Variants in AMZ1 observed in about 807,000 individuals in gnomAD.
The protein encoded by AMZ1 is archaemetzincin-1.
A neutral mutation model predicts 29.9 loss-of-function variants in AMZ1; 39 were observed. That is an observed-to-expected ratio of 1.30 (90% confidence interval 1.01 to 1.70). The LOEUF is 1.70. Ranked by LOEUF, AMZ1 falls within the 40% of genes most tolerant of loss-of-function variation. AMZ1 has a pLI of 0.00. For missense variants in AMZ1, 1,041 were observed against 680.6 expected, an observed-to-expected ratio of 1.53 and a Z score of -5.89; for synonymous variants, 458 against 304.0, an observed-to-expected ratio of 1.51 and a Z score of -5.27.
intron 1 of AMZ1, among the ~76,000 whole-genome samples, chr7:2,696,595 C>T (rs1369098714): frequency 2.6e-5 from 4 of 151,114 alleles, no homozygotes; most frequent in African/African-American, 9.7e-5. Flanking sequence ...CTTAGAACTT[C>T]CAGGGCTGGC....
intron 4 of AMZ1, among the ~76,000 whole-genome samples, chr7:2,748,584 C>G (rs1790878050): frequency 6.6e-6 from 1 of 152,066 alleles, no homozygotes; most frequent in African/African-American, 2.4e-5. Context: ...CAATACCATT[C>G]AGGACATAGG....
intron 3 of AMZ1, 22 bp downstream of exon 3, chr7:2,702,911 C>A (rs751806298): frequency 1.3e-6 from 2 of 1,571,572 alleles, no homozygotes; most frequent in Non-Finnish European, 1.7e-6. Flanking sequence ...CGGCAGCCGC[C>A]GCTCAGGCCA....
chr7:2,708,165 T>A (rs1788480694), intron 3 of AMZ1, among the ~76,000 whole-genome samples: 1 of 152,166 alleles, frequency 6.6e-6, no homozygotes, highest in South Asian at 2.1e-4. Context: ...AGCTGGCTGC[T>A]GCAGAAAAAC....
upstream of AMZ1, among the ~76,000 whole-genome samples, chr7:2,687,800 C>T (rs988592584): frequency 3.3e-5 from 5 of 151,942 alleles, no homozygotes; most frequent in African/African-American, 1.2e-4. Flanking sequence ...TCACCCCTCT[C>T]ACCTGGGGCC....
chr7:2,749,851 C>G (rs1790942426), intron 4 of AMZ1, among the ~76,000 whole-genome samples: 1 of 151,866 alleles, frequency 6.6e-6, no homozygotes, highest in Non-Finnish European at 1.5e-5. Context: ...AGAGATGACC[C>G]AATGATCCAA....
chr7:2,737,282 TTTTTTTG>T lies in AMZ1; in HGVS notation n.551-27423_551-27417del, dbSNP rs1162890061. On this transcript the variant is annotated intron_variant and non_coding_transcript_variant, in intron 4 of 4. Coordinates refer to the AMZ1 transcript ENST00000489665. The stretch of plus-strand genomic sequence containing the variant: ...TCTCACAGTTTTGTTTTGTTTTTTT[TTTTTTTG>T]TTTTTTTTTTTTTTTTTGAGATGGA... Among the ~76,000 whole-genome samples the T allele has an allele frequency of 9.0e-3, 547 of 60,474 alleles. 28 individuals are homozygous for T. The highest frequency in any genetic ancestry group is 0.03 in the South Asian group (45 of 1,514). 39.7% of individuals were successfully genotyped at this position (60,474 alleles called of 152,430 possible).
At chr7:2,701,218 G>A (rs1263945763) in intron 2 of AMZ1, among the ~76,000 whole-genome samples, 1 of 148,892 alleles carries the variant, frequency 6.7e-6, no homozygotes, top group East Asian at 1.9e-4. Context: ...GTGACGGAGT[G>A]AGACTGTCTC....
At chr7:2,708,780 G>A (rs939045273) in intron 4 of AMZ1, 64 bp downstream of exon 4, 3 of 1,605,150 alleles carry the variant, frequency 1.9e-6, no homozygotes, top group Admixed American at 3.3e-5. Context: ...GGCCTCCGTG[G>A]CTGCAGGGCA....
At chr7:2,696,536 C>T (rs980067763) in intron 1 of AMZ1, among the ~76,000 whole-genome samples, 18 of 150,376 alleles carry the variant, frequency 1.2e-4, no homozygotes, top group African/African-American at 2.7e-4. Flanking sequence ...TGATTACAGG[C>T]GTGAGCCACC....
intron 4 of AMZ1, among the ~76,000 whole-genome samples, chr7:2,743,588 G>A (rs893944864): frequency 2.6e-5 from 4 of 152,162 alleles, no homozygotes; most frequent in African/African-American, 7.2e-5. Context: ...GAACAGCTCC[G>A]GTCTACAGCT....
chr7:2,694,164 G>A (rs1308504672), intron 1 of AMZ1, among the ~76,000 whole-genome samples: 1 of 152,164 alleles, frequency 6.6e-6, no homozygotes, highest in Non-Finnish European at 1.5e-5. Flanking sequence ...TCAGGAAGGT[G>A]GACTGCCCTC....
chr7:2,751,514 A>G (rs757118949), intron 4 of AMZ1, among the ~76,000 whole-genome samples: 12 of 152,224 alleles, frequency 7.9e-5, no homozygotes, highest in South Asian at 4.1e-4. Flanking sequence ...AGCAGGAGAA[A>G]GAAAATAACA....
intron 3 of AMZ1, among the ~76,000 whole-genome samples, chr7:2,705,806 G>A (rs1265113899): frequency 6.6e-6 from 1 of 152,234 alleles, no homozygotes; most frequent in Middle Eastern, 3.2e-3. Context: ...GGGGTCTGGG[G>A]ACAATGTGGC....
intron 3 of AMZ1, among the ~76,000 whole-genome samples, chr7:2,704,536 TTG>T (rs1246909212): frequency 6.6e-6 from 1 of 151,812 alleles, no homozygotes; most frequent in African/African-American, 2.4e-5. Context: ...GTTGTCATGT[TTG>T]TGAGTTCTAC....
chr7:2,761,252 G>C (rs1483781519), upstream of AMZ1, among the ~76,000 whole-genome samples: 1 of 152,118 alleles, frequency 6.6e-6, no homozygotes, highest in Non-Finnish European at 1.5e-5. Context: ...GGATGGCACA[G>C]TCCCCCTCTG....
At chr7:2,737,284 T>G (rs575697798) in intron 4 of AMZ1, among the ~76,000 whole-genome samples, 36 of 61,916 alleles carry the variant, frequency 5.8e-4, no homozygotes, top group Middle Eastern at 0.01. Flanking sequence ...GTTTTTTTTT[T>G]TTTTGTTTTT....
At chr7:2,703,030 G>A in intron 3 of AMZ1, 141 bp downstream of exon 3, 2 of 1,217,992 alleles carry the variant, frequency 1.6e-6, no homozygotes, top group East Asian at 2.7e-5. Context: ...TGTTTGGGAA[G>A]CAGGACCAAG....
rs146908709 is a variant in AMZ1, at chr7:2,715,156, C to G, written c.*2278C>G. ...ATGGAAGCTCTGTGGCCTTTCCTAA[C>G]TCGGCCTCACGTCACAGAGCGTCAC... is the stretch of plus-strand genomic sequence containing the variant. On this transcript the variant is annotated 3_prime_UTR_variant, in exon 7 of 7. Coordinates refer to ENST00000683327, the MANE Select transcript of AMZ1 (RefSeq NM_001384743.1). 3.3e-5 allele frequency: 5 copies of G among 152,348 alleles called. No individual in the cohort carries two copies. Among genetic ancestry groups the G allele is most frequent in the Non-Finnish European group, 5.9e-5 (4 of 68,036 alleles). The allele number at this position is 152,348 out of a possible 1,614,324, so 9.4% of individuals were successfully genotyped here. A position where few individuals can be genotyped will look rare whatever the true frequency, so the allele number is the denominator to read the frequency against.
chr7:2,713,587 CCTAACGGGGAA>C lies in AMZ1; in HGVS notation c.*710_*720del. The C allele has an allele frequency of 6.6e-6, 1 of 152,564 alleles. No individual in the cohort carries two copies. Among genetic ancestry groups the C allele is most frequent in the Non-Finnish European group, 1.5e-5 (1 of 68,198 alleles). The allele number at this position is 152,564 out of a possible 1,614,324, so 9.5% of individuals were successfully genotyped here. On this transcript the variant is annotated 3_prime_UTR_variant, in exon 7 of 7. Transcript: ENST00000683327. ...CCAGCTTCCAAGGCTGAGTCTCCTC[CCTAACGGGGAA>C]GTGACGGGGTTTTGTCTCTATCATC... is the stretch of plus-strand genomic sequence containing the variant.
Sources: gnomAD v4.1 joint callset for allele counts (sites outside exome capture counted in the v4.1 genomes callset) on GRCh38, gnomAD v4.1.1 for gene constraint, MANE v1.5 for transcripts, NCBI Gene and HGNC (gene_info 2026-07-23, HGNC 2026-07-21) for gene names.